PLEKHM2: variants seen among roughly 807,000 people sequenced by gnomAD.
PLEKHM2 encodes pleckstrin homology and RUN domain containing M2.
A neutral mutation model predicts 116.3 loss-of-function variants in PLEKHM2; 77 were observed. The observed-to-expected ratio is 0.66, with a 90% CI of 0.55 to 0.80. PLEKHM2 has a LOEUF of 0.80. Ranked by LOEUF, PLEKHM2 falls within the 30% of genes least tolerant of loss-of-function variation. PLEKHM2 has a pLI of 0.00. For synonymous variants in PLEKHM2, 562 were observed against 571.0 expected (o/e 0.98, Z 0.22); for missense variants, 1,183 against 1,354.9 (o/e 0.87, Z 1.99).
At chr1:15,718,165 G>A (rs1641484097) in intron 4 of PLEKHM2, among the ~76,000 whole-genome samples, 173 bp downstream of exon 4, 1 of 152,234 alleles carries the variant, frequency 6.6e-6, no homozygotes, top group African/African-American at 2.4e-5. Context: ...GTCCCATCTG[G>A]GCTCCTGGGT....
chr1:15,689,883 A>T (rs921127093), intron 1 of PLEKHM2, among the ~76,000 whole-genome samples: 1 of 151,908 alleles, frequency 6.6e-6, no homozygotes, highest in Non-Finnish European at 1.5e-5. Flanking sequence ...CAGCCTCCCA[A>T]GTAGCTGGGA....
At chr1:15,718,663 A>T (rs1239797307) in intron 5 of PLEKHM2, 38 bp downstream of exon 5, 6 of 287,298 alleles carry the variant, frequency 2.1e-5, no homozygotes, top group East Asian at 1.7e-4. Context: ...TGGGAAGCAG[A>T]GGAGGGGGCA....
chr1:15,727,932 G>A lies in PLEKHM2; in HGVS notation c.1760+100G>A. The A allele has an allele frequency of 1.6e-6, 2 of 1,224,550 alleles. No individual in the cohort carries two copies. The highest frequency in any genetic ancestry group is 2.8e-5 in the South Asian group (2 of 72,236). The allele number at this position is 1,224,550 out of a possible 1,614,324, so 75.9% of individuals were successfully genotyped here. A position where few individuals can be genotyped will look rare whatever the true frequency, so the allele number is the denominator to read the frequency against. On this transcript the variant is annotated intron_variant, in intron 9 of 19. Transcript: ENST00000375799. This position sits in a 1 kb window ranked among gnomAD's most constrained non-coding sequence, Gnocchi z 7.5. ...ATAAATTAAGCACTAGGAAGACCTA[G>A]CCTGAGTGAGAAGGGGTGTGAGCCT...
intron 1 of PLEKHM2, 62 bp downstream of exon 1, chr1:15,684,680 C>A: frequency 4.9e-6 from 5 of 1,020,098 alleles, no homozygotes; most frequent in South Asian, 4.6e-5. Flanking sequence ...CGCCCTCCGG[C>A]GGCGCTCTCC....
Position 15,732,534 on chromosome 1 carries a change from GC to G in PLEKHM2, c.2805+6del. The G allele has an allele frequency of 6.2e-7, 1 of 1,609,222 alleles. No individual in the cohort carries two copies. The highest frequency in any genetic ancestry group is 8.5e-7 in the Non-Finnish European group (1 of 1,178,004). On this transcript the variant is annotated splice_donor_region_variant and intron_variant, in intron 18 of 19. Coordinates refer to ENST00000375799, the MANE Select transcript of PLEKHM2 (RefSeq NM_015164.4). ...GGCAAGGAGTACTGCGTCTTGGTGA[GC>G]TTTGAGTGGGGGCGGGGCTGCAAGG...
chr1:15,725,840 C>G lies in PLEKHM2; in HGVS notation c.941+295C>G. On this transcript the variant is annotated intron_variant, in intron 8 of 19. Transcript: ENST00000375799. The stretch of plus-strand genomic sequence containing the variant: ...GTCAGGGTGCCGGTGTGGCCAGCCT[C>G]TGATGAGGGATTCACAGATGTCCCT... 8 of 445,636 alleles carry G rather than the reference C, an allele frequency of 1.8e-5. No individual in the cohort carries two copies. In the South Asian group the frequency reaches 2.2e-4, roughly 12 times the overall value. 27.6% of individuals were successfully genotyped at this position (445,636 alleles called of 1,614,324 possible). A position where few individuals can be genotyped will look rare whatever the true frequency, so the allele number is the denominator to read the frequency against.
At chr1:15,715,874 G>C (rs1641433763) in intron 1 of PLEKHM2, among the ~76,000 whole-genome samples, 1 of 152,210 alleles carries the variant, frequency 6.6e-6, no homozygotes, top group South Asian at 2.1e-4. Context: ...GTGTGGCATT[G>C]GTCTAGACAG....
At chr1:15,732,751 C>A in intron 19 of PLEKHM2, 23 bp downstream of exon 19, 1 of 1,509,914 alleles carries the variant, frequency 6.6e-7, no homozygotes, top group South Asian at 1.2e-5. Flanking sequence ...CCAGGAAACC[C>A]ATTAGCCAGG....
intron 1 of PLEKHM2, among the ~76,000 whole-genome samples, chr1:15,703,391 A>G (rs1641158037): frequency 6.6e-6 from 1 of 152,172 alleles, no homozygotes; most frequent in Admixed American, 6.5e-5. Context: ...TAAATAGGGA[A>G]GTGTGACCCC....
chr1:15,722,514 A>G (rs1397795457), intron 7 of PLEKHM2, among the ~76,000 whole-genome samples: 1 of 152,118 alleles, frequency 6.6e-6, no homozygotes, highest in Non-Finnish European at 1.5e-5. Flanking sequence ...AGGTGAGGGA[A>G]CCTGGCCTCT....
In PLEKHM2 at chr1:15,730,421, G is replaced by A. The variant is rs140255832; in HGVS notation, c.2209-111G>A. 1,679 of 833,194 alleles carry A rather than the reference G, an allele frequency of 2.0e-3. 24 individuals carry two copies. In the African/African-American group the frequency reaches 0.025, roughly 13 times the overall value. 51.6% of individuals were successfully genotyped at this position (833,194 alleles called of 1,614,324 possible). A position where few individuals can be genotyped will look rare whatever the true frequency, so the allele number is the denominator to read the frequency against. ...CACACCACTGCAGTCCAGCCTGGGCGACAGAGCGAGACTCCATCTCAAAAA... is the reference window on the plus strand; with the variant it reads ...CACACCACTGCAGTCCAGCCTGGGCAACAGAGCGAGACTCCATCTCAAAAA... On this transcript the variant is annotated intron_variant, in intron 14 of 19. Transcript: ENST00000375799.
At chr1:15,682,649 A>C (rs373589586), upstream of PLEKHM2, among the ~76,000 whole-genome samples, 3 of 71,662 alleles carry the variant, frequency 4.2e-5, no homozygotes, top group East Asian at 4.1e-4. Context: ...AAAACAAAAA[A>C]AACAAAAAAC....
At position 15,728,853 on chromosome 1, in the gene PLEKHM2, C is replaced by A; in HGVS notation, c.1986+120C>A. 1 of 963,824 alleles carries A rather than the reference C, an allele frequency of 1.0e-6. No individual in the cohort carries two copies. The highest frequency in any genetic ancestry group is 1.6e-6 in the Non-Finnish European group (1 of 624,068). 59.7% of individuals were successfully genotyped at this position (963,824 alleles called of 1,614,324 possible). A position where few individuals can be genotyped will look rare whatever the true frequency, so the allele number is the denominator to read the frequency against. Reference sequence around the variant, plus strand: ...CTCCCCTCCCGGGGTTGGGCACCAACTTAACTCTCAGAGAGGCTTCTGTAC... The same window carrying A: ...CTCCCCTCCCGGGGTTGGGCACCAAATTAACTCTCAGAGAGGCTTCTGTAC... On this transcript the variant is annotated intron_variant, in intron 12 of 19. Coordinates refer to ENST00000375799, the MANE Select transcript of PLEKHM2 (RefSeq NM_015164.4). This position sits in a 1 kb window ranked among gnomAD's most constrained non-coding sequence, Gnocchi z 5.9.
At chr1:15,716,452 C>A in intron 2 of PLEKHM2, 109 bp downstream of exon 2, 1 of 744,748 alleles carries the variant, frequency 1.3e-6, no homozygotes, top group South Asian at 1.7e-5. Flanking sequence ...CTCCCCTTGG[C>A]AGAAAGGGAT....
intron 1 of PLEKHM2, among the ~76,000 whole-genome samples, chr1:15,687,248 G>A (rs1451566793): frequency 6.6e-6 from 1 of 151,908 alleles, no homozygotes; most frequent in East Asian, 1.9e-4. Context: ...CTCGCTGCAA[G>A]CTCCGTCTCT....
chr1:15,721,512 G>A lies in PLEKHM2; in HGVS notation c.712+124G>A. The stretch of plus-strand genomic sequence containing the variant: ...ATATCCATAATCATAATAAAGCCAA[G>A]TTTGGTGTTCTAATAGATGGAATTC... On this transcript the variant is annotated intron_variant, in intron 7 of 19. Transcript: ENST00000375799. This position sits in a 1 kb window ranked among gnomAD's most constrained non-coding sequence, Gnocchi z 5.1. The A allele has an allele frequency of 1.6e-6, 1 of 621,424 alleles. No homozygotes were observed. Among genetic ancestry groups the A allele is most frequent in the Non-Finnish European group, 2.8e-6 (1 of 362,118 alleles). The allele number at this position is 621,424 out of a possible 1,614,324, so 38.5% of individuals were successfully genotyped here.
At chr1:15,702,417 T>A (rs1392891961) in intron 1 of PLEKHM2, among the ~76,000 whole-genome samples, 1 of 151,230 alleles carries the variant, frequency 6.6e-6, no homozygotes, top group East Asian at 1.9e-4. Flanking sequence ...TCAGGTGGGT[T>A]TTTTTTTTCT....
intron 14 of PLEKHM2, among the ~76,000 whole-genome samples, chr1:15,730,222 C>T (rs1571072071): frequency 6.6e-6 from 1 of 152,346 alleles, no homozygotes; most frequent in East Asian, 1.9e-4. Context: ...AGGCGGATCA[C>T]CTGAGGTCAG....
chr1:15,732,801 C>T (rs896761627), intron 19 of PLEKHM2, 73 bp downstream of exon 19: 21 of 995,328 alleles, frequency 2.1e-5, no homozygotes, highest in Admixed American at 8.4e-5. Flanking sequence ...GGAGAGGAAC[C>T]CCTGCTGCTC....
Sources: gnomAD v4.1 joint callset for allele counts (sites outside exome capture counted in the v4.1 genomes callset) on GRCh38, gnomAD v4.1.1 for gene constraint, Gnocchi (gnomAD v3.1) non-coding constraint, MANE v1.5 for transcripts, NCBI Gene and HGNC (gene_info 2026-07-23, HGNC 2026-07-21) for gene names.